TRPC4: variants seen among roughly 807,000 people sequenced by gnomAD.
TRPC4 encodes the protein transient receptor potential cation channel subfamily C member 4.
Under a neutral mutation model 99.4 loss-of-function variants are expected in TRPC4, and 49 were observed. That is an observed-to-expected ratio of 0.49 (90% CI 0.39 to 0.63). TRPC4 has a LOEUF of 0.63. Among genes scored for constraint, TRPC4 ranks in the 20% least tolerant of loss-of-function variants. The probability of loss-of-function intolerance (pLI) is 0.00; values close to 1 mark genes in which losing one functional copy is unlikely to be tolerated. For missense variants in TRPC4, 898 were observed against 1,152.9 expected, an observed-to-expected ratio of 0.78 and a Z score of 3.20; for synonymous variants, 454 against 425.9, an observed-to-expected ratio of 1.07 and a Z score of -0.81.
chr13:37,700,348 TGA>T (rs1312428842), intron 3 of TRPC4, among the ~76,000 whole-genome samples: 1 of 152,154 alleles, frequency 6.6e-6, no homozygotes, highest in Non-Finnish European at 1.5e-5. Context: ...TGGCCTTCCA[TGA>T]ATGGGCTGGT....
Position 37,827,816 on chromosome 13 carries a change from A to G in TRPC4, c.-28+41779T>C, listed in dbSNP as rs1251618926. 5.3e-5 allele frequency among the ~76,000 whole-genome samples: 8 copies of G among 151,522 alleles called. No individual in the cohort carries two copies. In the East Asian group the frequency reaches 5.9e-4, roughly 11 times the overall value. Reference sequence around the variant, plus strand: ...GGGCTCCACCCAGTTCCAGCTTCCCAGCTGCTTTGTTTACCTAAGCAAGCC... The same window carrying G: ...GGGCTCCACCCAGTTCCAGCTTCCCGGCTGCTTTGTTTACCTAAGCAAGCC... On this transcript the variant is annotated intron_variant, in intron 1 of 10. Transcript: ENST00000379705.
At chr13:37,751,047 T>C (rs1955919664) in intron 2 of TRPC4, among the ~76,000 whole-genome samples, 2 of 152,106 alleles carry the variant, frequency 1.3e-5, no homozygotes, top group Non-Finnish European at 2.9e-5. Flanking sequence ...CCTTCAAGAA[T>C]GGACTTGCTG....
intron 10 of TRPC4, among the ~76,000 whole-genome samples, chr13:37,638,219 T>C (rs576188734): frequency 8.3e-5 from 3 of 35,988 alleles, no homozygotes; most frequent in African/African-American, 1.3e-4. Context: ...CTTACCCTGA[T>C]GGCAACCTTC....
At chr13:37,852,728 C>T (rs988035766) in intron 1 of TRPC4, among the ~76,000 whole-genome samples, 4 of 152,114 alleles carry the variant, frequency 2.6e-5, no homozygotes, top group Non-Finnish European at 4.4e-5. Flanking sequence ...GAAGGGAGCC[C>T]GCTACCTTGA....
intron 1 of TRPC4, among the ~76,000 whole-genome samples, chr13:37,820,207 A>T (rs1386182506): frequency 1.3e-5 from 2 of 152,058 alleles, no homozygotes; most frequent in African/African-American, 4.8e-5. Flanking sequence ...AAATGGATAC[A>T]TTCCTGGAAA....
At chr13:37,704,930 G>A (rs192251195) in intron 3 of TRPC4, among the ~76,000 whole-genome samples, 3 of 152,188 alleles carry the variant, frequency 2.0e-5, no homozygotes, top group Non-Finnish European at 4.4e-5. Flanking sequence ...ATATGGTCCA[G>A]CAATCCCACT....
At chr13:37,641,137 C>T (rs1007811087) in intron 8 of TRPC4, among the ~76,000 whole-genome samples, 4 of 152,110 alleles carry the variant, frequency 2.6e-5, no homozygotes, top group African/African-American at 9.7e-5. Flanking sequence ...TACAAACTGT[C>T]TTTCCTTCAG....
chr13:37,812,191 A>AAAAAAAAC (rs1282851092), intron 1 of TRPC4, among the ~76,000 whole-genome samples: 1 of 147,732 alleles, frequency 6.8e-6, no homozygotes, highest in Non-Finnish European at 1.5e-5. Flanking sequence ...AAAAAAAAAA[A>AAAAAAAAC]AAAACCAGGA....
Position 37,847,751 on chromosome 13 carries a change from C to T in TRPC4, c.-28+21844G>A, listed in dbSNP as rs571982955. ...GTGAAATAAGCCAAGCAAAGAAAGA[C>T]AAATACTGTACGATCTCATTTATAG... On this transcript the variant is annotated intron_variant, in intron 1 of 10. Transcript: ENST00000379705. 5.0e-4 allele frequency among the ~76,000 whole-genome samples: 76 copies of T among 152,142 alleles called. 1 individual carries two copies. Among genetic ancestry groups the T allele is most frequent in the African/African-American group, 1.7e-3 (72 of 41,526 alleles).
intron 4 of TRPC4, among the ~76,000 whole-genome samples, chr13:37,681,762 C>A (rs1017757730): frequency 3.3e-5 from 5 of 152,174 alleles, no homozygotes; most frequent in Non-Finnish European, 5.9e-5. Flanking sequence ...GCAATGGGAA[C>A]ATTTCGAAAT....
rs1330373115 is a variant in TRPC4 at position 37,654,180 on chromosome 13, T to C, written c.1884+908A>G. 2.6e-5 allele frequency among the ~76,000 whole-genome samples: 4 copies of C among 152,082 alleles called. No homozygotes were observed. The East Asian group carries it at 7.7e-4, about 29-fold the overall frequency. Reference sequence around the variant, plus strand: ...GGATGGTTGAAGTAAAATTCAGAGTTTTGCTTGACAAAAAAACAGTAATAA... The same window carrying C: ...GGATGGTTGAAGTAAAATTCAGAGTCTTGCTTGACAAAAAAACAGTAATAA... On this transcript the variant is annotated intron_variant, in intron 7 of 10. Transcript: ENST00000379705.
At chr13:37,759,576 A>T (rs973671611) in intron 2 of TRPC4, among the ~76,000 whole-genome samples, 5 of 151,994 alleles carry the variant, frequency 3.3e-5, no homozygotes, top group Non-Finnish European at 7.4e-5. Flanking sequence ...AACAGTTATA[A>T]GCAGATATTT....
chr13:37,757,821 C>T (rs1031044333), intron 2 of TRPC4, among the ~76,000 whole-genome samples: 1 of 151,948 alleles, frequency 6.6e-6, no homozygotes, highest in Non-Finnish European at 1.5e-5. Flanking sequence ...AATGATGAGT[C>T]TGTGCACTGA....
Position 37,651,335 on chromosome 13 carries a change from A to G in TRPC4, c.2009T>C (p.Ile670Thr), listed in dbSNP as rs1952036223. Residue 670 changes from isoleucine to threonine, a missense_variant, in exon 8 of 11, where the codon ATC becomes ACC. Ile to Thr is a moderately conservative substitution (Grantham distance 89). Coordinates refer to ENST00000379705, the MANE Select transcript of TRPC4 (RefSeq NM_016179.4). ...IPSPKSLWYL[I>T]KWIWTHLCKK... ...GCACAAGTGTGTCCAGATCCATTTG[A>G]TCAGGTACCAGAGAGACTTGGGGCT... 1 of 1,614,002 alleles carries G rather than the reference A, an allele frequency of 6.2e-7. No individual in the cohort carries two copies. The highest frequency in any genetic ancestry group is 1.3e-5 in the African/African-American group (1 of 74,912).
At chr13:37,704,426 C>T (rs1277024201) in intron 3 of TRPC4, among the ~76,000 whole-genome samples, 2 of 152,088 alleles carry the variant, frequency 1.3e-5, no homozygotes, top group Non-Finnish European at 2.9e-5. Context: ...GTGGCTCATG[C>T]CTGTAATCCC....
chr13:37,748,673 T>A (rs1257679167), intron 2 of TRPC4, among the ~76,000 whole-genome samples: 1 of 151,920 alleles, frequency 6.6e-6, no homozygotes, highest in South Asian at 2.1e-4. Flanking sequence ...CCAAATCTCA[T>A]TAAGAATTTC....
At chr13:37,730,471 CTT>C (rs147253633) in intron 3 of TRPC4, among the ~76,000 whole-genome samples, 1,686 of 151,978 alleles carry the variant, frequency 0.011, 13 homozygotes, top group Middle Eastern at 0.058. Flanking sequence ...AATTAACTGT[CTT>C]TTCTGTAAAT....
At chr13:37,674,500 T>C (rs1952976939) in intron 4 of TRPC4, 133 bp from the exon 5 acceptor site, 1 of 937,424 alleles carries the variant, frequency 1.1e-6, no homozygotes. Flanking sequence ...CATCTATTTT[T>C]TACAGGTAAT....
chr13:37,648,482 A>G (rs1332722251), intron 8 of TRPC4, among the ~76,000 whole-genome samples: 2 of 152,054 alleles, frequency 1.3e-5, no homozygotes, highest in African/African-American at 4.8e-5. Context: ...AATATTTTTT[A>G]GTTTGGCATA....
Sources: allele counts gnomAD v4.1 joint callset (sites outside exome capture counted in the v4.1 genomes callset), GRCh38; gene constraint gnomAD v4.1.1; transcripts MANE v1.5; gene names NCBI Gene and HGNC (gene_info 2026-07-23, HGNC 2026-07-21).